DNAH11: variants seen among roughly 807,000 people sequenced by gnomAD.
DNAH11 encodes the protein dynein axonemal heavy chain 11.
A neutral mutation model predicts 526.0 loss-of-function variants in DNAH11; 442 were observed. The observed-to-expected ratio is 0.84, with a 90% confidence interval of 0.78 to 0.91. The LOEUF is 0.91. Among genes scored for constraint, DNAH11 ranks in the 40% least tolerant of loss-of-function variants. The probability of loss-of-function intolerance (pLI) is 0.00; values close to 1 mark genes in which losing one functional copy is unlikely to be tolerated. For missense variants in DNAH11, 6,989 were observed against 5,448.7 expected (o/e 1.28, Z -8.90); for synonymous variants, 2,461 against 1,935.9 (o/e 1.27, Z -7.12).
At position 21,677,110 on chromosome 7, in the gene DNAH11, A is replaced by G. The variant is rs1339507628; in HGVS notation, c.5329-4436A>G. Among the ~76,000 whole-genome samples the G allele has an allele frequency of 2.0e-5, 3 of 152,302 alleles. No homozygotes were observed. The East Asian group carries it at 5.8e-4, about 29-fold the overall frequency. On this transcript the variant is annotated intron_variant, in intron 30 of 81. Coordinates refer to ENST00000409508, the MANE Select transcript of DNAH11 (RefSeq NM_001277115.2). ...AACAATAATCACATCTGCTTTTTAAACATTTAACTACTTTTTAAAGATGCA... is the reference window on the plus strand; with the variant it reads ...AACAATAATCACATCTGCTTTTTAAGCATTTAACTACTTTTTAAAGATGCA...
chr7:21,829,502 T>G (rs1286591066), intron 65 of DNAH11, among the ~76,000 whole-genome samples: 1 of 152,194 alleles, frequency 6.6e-6, no homozygotes, highest in Non-Finnish European at 1.5e-5. Context: ...CCACTTCTAA[T>G]AAAGACTCTG....
chr7:21,548,883 A>C (rs1233567424), intron 2 of DNAH11, among the ~76,000 whole-genome samples: 1 of 144,452 alleles, frequency 6.9e-6, no homozygotes, highest in Non-Finnish European at 1.5e-5. Flanking sequence ...GCAATGACAG[A>C]CTTTTTTTTT....
Position 21,705,478 on chromosome 7 carries a change from C to G in DNAH11, c.6487C>G (p.Leu2163Val), listed in dbSNP as rs763647821. 1.2e-6 allele frequency: 2 copies of G among 1,613,576 alleles called. No homozygotes were observed. Among genetic ancestry groups the G allele is most frequent in the African/African-American group, 2.7e-5 (2 of 74,890 alleles). Residue 2163 changes from leucine to valine, a missense_variant, in exon 39 of 82, where the codon CTG becomes GTG. Transcript: ENST00000409508. ...FILKVVQLEE[L>V]LAVRHSVFVV... ...TCTGCAGGTTGTCCAGCTTGAGGAA[C>G]TGTTGGCTGTGCGGCACTCGGTCTT... is the stretch of plus-strand genomic sequence containing the variant.
chr7:21,690,179 G>A lies in DNAH11; in HGVS notation c.5925-586G>A, dbSNP rs999347984. 2.0e-5 allele frequency among the ~76,000 whole-genome samples: 3 copies of A among 152,224 alleles called. No individual in the cohort carries two copies. In the South Asian group the frequency reaches 6.2e-4, roughly 32 times the overall value. Reference sequence around the variant, plus strand: ...AATATGATTATTATTTTTACTAGATGAGGGAATTGGAACATAGGATAATTA... The same window carrying A: ...AATATGATTATTATTTTTACTAGATAAGGGAATTGGAACATAGGATAATTA... On this transcript the variant is annotated intron_variant, in intron 34 of 81. Coordinates refer to ENST00000409508, the MANE Select transcript of DNAH11 (RefSeq NM_001277115.2).
At chr7:21,726,860 C>CAAA (rs1166791175) in intron 45 of DNAH11, among the ~76,000 whole-genome samples, 15 of 13,808 alleles carry the variant, frequency 1.1e-3, no homozygotes, top group African/African-American at 3.5e-3. Flanking sequence ...GACTCTGTCT[C>CAAA]AAAAAAAAAA....
At chr7:21,770,066 A>G (rs535437916) in intron 55 of DNAH11, among the ~76,000 whole-genome samples, 3 of 152,330 alleles carry the variant, frequency 2.0e-5, no homozygotes, top group South Asian at 4.1e-4. Context: ...TGCTACATTT[A>G]ACACTTGTTG....
chr7:21,658,154 A>C (rs560736933), intron 29 of DNAH11, among the ~76,000 whole-genome samples: 1 of 151,236 alleles, frequency 6.6e-6, no homozygotes, highest in Non-Finnish European at 1.5e-5. Context: ...CTAAGCTTCA[A>C]TTTTTTAAAA....
chr7:21,698,536 T>G, intron 36 of DNAH11, among the ~76,000 whole-genome samples: 1 of 152,276 alleles, frequency 6.6e-6, no homozygotes, highest in East Asian at 1.9e-4. Flanking sequence ...TCCTCATAGC[T>G]TAGCTCCCAC....
rs267601454 is a variant in DNAH11 at position 21,735,670 on chromosome 7, C to T, written c.7471C>T (p.Arg2491Cys). The T allele has an allele frequency of 1.6e-5, 25 of 1,605,382 alleles. No homozygotes were observed. Among genetic ancestry groups the T allele is most frequent in the Admixed American group, 1.2e-4 (7 of 58,420 alleles). ...TCTCGTTCACACAACAGAGACAGCT[C>T]GTCTTAGATATTTCATGGAGTTGTT... The part of the protein sequence containing the change: ...TVLVHTTETA[R>C]LRYFMELLLE... The change falls in exon 46 of 82, where the codon CGT (arginine) becomes TGT (cysteine). Residue 2491 changes from arginine to cysteine, a missense_variant. By Grantham distance (180) the Arg-to-Cys change is radical (BLOSUM62 -3). Transcript: ENST00000409508.
intron 53 of DNAH11, 87 bp from the exon 54 acceptor site, chr7:21,750,134 CT>C (rs1786347328): frequency 7.0e-7 from 1 of 1,430,788 alleles, no homozygotes; most frequent in South Asian, 1.5e-5. Context: ...TGAACTTTGT[CT>C]TGTAAAACAT....
Position 21,683,817 on chromosome 7 carries a change from C to A in DNAH11, c.5494C>A (p.Gln1832Lys). The A allele has an allele frequency of 1.2e-6, 2 of 1,611,322 alleles. No individual in the cohort carries two copies. Among genetic ancestry groups the A allele is most frequent in the South Asian group, 2.2e-5 (2 of 90,466 alleles). ...TCCCCAAGCTTTTACATGGCTGTCT[C>A]AACTTCGTCACCGATGGGAGGATAC... ...VSPQAFTWLS[Q>K]LRHRWEDTQK... is the part of the protein sequence containing the mutation. Residue 1832 changes from glutamine (Q) to lysine (K), a missense_variant, in exon 32 of 82, where the codon CAA (glutamine) becomes AAA (lysine). By Grantham distance (53) the Gln-to-Lys change is moderately conservative. Coordinates refer to ENST00000409508, the MANE Select transcript of DNAH11 (RefSeq NM_001277115.2).
intron 65 of DNAH11, among the ~76,000 whole-genome samples, chr7:21,837,531 GAAGTA>G (rs1347413769): frequency 6.6e-6 from 1 of 152,150 alleles, no homozygotes; most frequent in African/African-American, 2.4e-5. Context: ...GCTGATCTTG[GAAGTA>G]GAGTAGAAAA....
At position 21,711,696 on chromosome 7, in the gene DNAH11, GT is replaced by G. The variant is rs1784469338; in HGVS notation, c.6835-15del. ...ATTGCTTTTGCCCATGGGTGACAGT[GT>G]GCTGCTCACTCCAGGTGCTGACCCT... On this transcript the variant is annotated splice_polypyrimidine_tract_variant and intron_variant, in intron 41 of 81. Coordinates refer to ENST00000409508, the MANE Select transcript of DNAH11 (RefSeq NM_001277115.2). 2 of 1,611,000 alleles carry G rather than the reference GT, an allele frequency of 1.2e-6. No individual in the cohort carries two copies. The highest frequency in any genetic ancestry group is 1.7e-5 in the Admixed American group (1 of 59,824).
At chr7:21,851,873 C>G (rs1234423099) in intron 66 of DNAH11, among the ~76,000 whole-genome samples, 1 of 152,048 alleles carries the variant, frequency 6.6e-6, no homozygotes, top group African/African-American at 2.4e-5. Context: ...CTTTATATGT[C>G]TGAGCAGAAA....
intron 61 of DNAH11, among the ~76,000 whole-genome samples, chr7:21,797,719 C>G (rs1021656623): frequency 1.3e-5 from 2 of 152,104 alleles, no homozygotes; most frequent in South Asian, 2.1e-4. Flanking sequence ...GCTATTATAC[C>G]AGGTTAGTAC....
At chr7:21,570,531 A>G (rs1379138651) in intron 7 of DNAH11, 2 of 381,954 alleles carry the variant, frequency 5.2e-6, no homozygotes, top group Admixed American at 4.3e-5. Context: ...TACATTGAGT[A>G]TAAGTAAATC....
At chr7:21,802,269 T>C (rs1789028516) in intron 62 of DNAH11, among the ~76,000 whole-genome samples, 1 of 152,088 alleles carries the variant, frequency 6.6e-6, no homozygotes, top group South Asian at 2.1e-4. Flanking sequence ...GAAATGCAAA[T>C]TAAAACCACA....
rs564560864 is a variant in DNAH11, at chr7:21,816,245, G to A, written c.10333-222G>A. 7.9e-5 allele frequency among the ~76,000 whole-genome samples: 12 copies of A among 152,252 alleles called. No homozygotes were observed. In the South Asian group the frequency reaches 2.1e-3, roughly 26 times the overall value. ...CCCAGTAGATGCAGTTGATAAAACC[G>A]ATGTTGAATCCCACAGTTCACAGAA... On this transcript the variant is annotated intron_variant, in intron 63 of 81. Transcript: ENST00000409508.
intron 61 of DNAH11, among the ~76,000 whole-genome samples, chr7:21,797,553 C>T (rs944187693): frequency 4.7e-5 from 7 of 148,638 alleles, no homozygotes; most frequent in Admixed American, 1.3e-4. Context: ...GTACAGTTTA[C>T]ATATTTATGT....
Sources: allele counts gnomAD v4.1 joint callset (sites outside exome capture counted in the v4.1 genomes callset), GRCh38; gene constraint gnomAD v4.1.1; transcripts MANE v1.5; gene names NCBI Gene and HGNC (gene_info 2026-07-23, HGNC 2026-07-21).